Variants in ZNF311 observed in about 807,000 individuals in gnomAD.
ZNF311 encodes zinc finger protein 311.
ZNF311 carries 14 observed loss-of-function variants against 22.7 expected under a neutral mutation model. That is an observed-to-expected ratio of 0.62 (90% CI 0.41 to 0.96). ZNF311 has a LOEUF of 0.96. Ranked by LOEUF, ZNF311 falls within the 40% of genes least tolerant of loss-of-function variation. ZNF311 has a pLI of 0.00. For synonymous variants in ZNF311, 250 were observed against 275.3 expected (o/e 0.91, Z 0.91); for missense variants, 731 against 799.0 (o/e 0.91, Z 1.03).
chr6:29,002,984 A>G (rs1315472708), intron 3 of ZNF311, among the ~76,000 whole-genome samples: 2 of 152,182 alleles, frequency 1.3e-5, no homozygotes, highest in Admixed American at 1.3e-4. Context: ...CAAAGAGCAC[A>G]AGGCTTCAAT....
intron 6 of ZNF311, among the ~76,000 whole-genome samples, chr6:28,997,963 G>C (rs1779863117): frequency 6.6e-6 from 1 of 152,076 alleles, no homozygotes; most frequent in African/African-American, 2.4e-5. Context: ...GTCATATCAT[G>C]ATCTTGCCCC....
At position 28,996,411 on chromosome 6, in the gene ZNF311, T is replaced by C. The variant is rs1467924330; in HGVS notation, c.591A>G (p.Thr197=). 2 of 1,610,832 alleles carry C rather than the reference T, an allele frequency of 1.2e-6. No homozygotes were observed. Among genetic ancestry groups the C allele is most frequent in the Non-Finnish European group, 1.7e-6 (2 of 1,180,028 alleles). ...CTTCTCTCAGTTTCTCCCTTATAGA[T>C]GTTTCCCATTGATTCTCTAATTTGA... The part of the protein sequence containing the change: ...QDVKLENQWE[T]SIREKLREEK... Residue 197 remains threonine (T), a synonymous_variant, in exon 7 of 7, where the codon ACA becomes ACG. Transcript: ENST00000377179.
At chr6:28,997,838 G>C (rs1779840991) in intron 6 of ZNF311, among the ~76,000 whole-genome samples, 1 of 152,102 alleles carries the variant, frequency 6.6e-6, no homozygotes, top group Non-Finnish European at 1.5e-5. Flanking sequence ...TTATCTAAAT[G>C]AGTTAATGTA....
chr6:29,003,902 C>T (rs1357145943), intron 2 of ZNF311, 44 bp downstream of exon 2: 4 of 1,612,706 alleles, frequency 2.5e-6, no homozygotes, highest in Non-Finnish European at 3.4e-6. Context: ...ACTCACTTCT[C>T]CTTCTTCCTC....
intron 1 of ZNF311, 106 bp downstream of exon 1, chr6:29,004,902 C>T (rs1320115623): frequency 1.3e-5 from 2 of 152,146 alleles, no homozygotes; most frequent in East Asian, 1.9e-4. Flanking sequence ...ATAATCTTGC[C>T]TCCTTCAAGT....
intron 6 of ZNF311, among the ~76,000 whole-genome samples, chr6:28,997,662 T>C (rs1055380838): frequency 1.2e-3 from 177 of 152,300 alleles, no homozygotes; most frequent in Non-Finnish European, 4.9e-4. Context: ...AATACTTCAA[T>C]GGCACTCCAT....
At position 28,996,208 on chromosome 6, in the gene ZNF311, T is replaced by C. The variant is rs749697633; in HGVS notation, c.794A>G (p.His265Arg). The C allele has an allele frequency of 5.0e-6, 8 of 1,613,470 alleles. No individual in the cohort carries two copies. In the South Asian group the frequency reaches 8.8e-5, roughly 18 times the overall value. Residue 265 changes from histidine to arginine, a missense_variant, in exon 7 of 7, where the codon CAT (histidine) becomes CGT (arginine). Physicochemically the swap from His to Arg is conservative, Grantham distance 29 (BLOSUM62 0). Transcript: ENST00000377179. The part of the protein sequence containing the change: ...NFSWHSDLIL[H>R]EQIHSGEKPH... ...TTTCTCACCAGAATGAATTTGCTCATGGAGAATTAGATCTGAGTGCCAACT... is the reference window on the plus strand; with the variant it reads ...TTTCTCACCAGAATGAATTTGCTCACGGAGAATTAGATCTGAGTGCCAACT...
intron 3 of ZNF311, among the ~76,000 whole-genome samples, chr6:29,001,415 A>G (rs1337821969): frequency 6.6e-6 from 1 of 152,206 alleles, no homozygotes; most frequent in South Asian, 2.1e-4. Context: ...CTTTTGACCA[A>G]GACCAAGGCT....
At chr6:29,003,163 T>C (rs1286664336) in intron 3 of ZNF311, among the ~76,000 whole-genome samples, 3 of 152,216 alleles carry the variant, frequency 2.0e-5, no homozygotes, top group Non-Finnish European at 2.9e-5. Context: ...TACTGAATTA[T>C]ACCACAAGTT....
intron 3 of ZNF311, 55 bp from the exon 4 acceptor site, chr6:29,000,102 C>T (rs1780236891): frequency 6.6e-7 from 1 of 1,510,562 alleles, no homozygotes; most frequent in African/African-American, 1.4e-5. Context: ...AATGAAATCT[C>T]CTGCATTCGT....
rs751791012 is a variant in ZNF311, at chr6:29,003,513, C to T, written c.91G>A (p.Ala31Thr). 3.1e-6 allele frequency: 5 copies of T among 1,613,020 alleles called. No individual in the cohort carries two copies. Among genetic ancestry groups the T allele is most frequent in the Non-Finnish European group, 4.2e-6 (5 of 1,179,998 alleles). Residue 31 changes from alanine to threonine, a missense_variant and splice_region_variant, in exon 3 of 7, where the codon GCT (alanine) becomes ACT (threonine). Coordinates refer to ENST00000377179, the MANE Select transcript of ZNF311 (RefSeq NM_001382360.1). ...TGCCACAATCTCCTGTGTATCTCAC[C>T]GCTTTCCTGAGGGAGCTGGGTATCC... ...RQDTQLPQES[A>T]LLPAPYPAFT...
At chr6:29,004,832 C>T (rs1475472175) in intron 1 of ZNF311, among the ~76,000 whole-genome samples, 176 bp downstream of exon 1, 1 of 152,098 alleles carries the variant, frequency 6.6e-6, no homozygotes, top group Non-Finnish European at 1.5e-5. Context: ...CCTTCCTTCT[C>T]TTTCATCTTA....
At chr6:28,998,279 C>T (rs766190267) in intron 6 of ZNF311, among the ~76,000 whole-genome samples, 14 of 151,652 alleles carry the variant, frequency 9.2e-5, no homozygotes, top group South Asian at 2.1e-4. Flanking sequence ...AATGATTCTC[C>T]GGCCTCAGAC....
intron 6 of ZNF311, 95 bp downstream of exon 6, chr6:28,998,639 G>T: frequency 2.5e-6 from 2 of 792,594 alleles, no homozygotes; most frequent in Non-Finnish European, 2.0e-6. Flanking sequence ...TTCCTTTCTG[G>T]GCCCTTCGAC....
chr6:28,999,084 GTT>G (rs77858810), intron 5 of ZNF311, among the ~76,000 whole-genome samples: 1 of 141,344 alleles, frequency 7.1e-6, no homozygotes, highest in Non-Finnish European at 1.6e-5. Context: ...GTGCTCTCCT[GTT>G]TTTTTTTTTT....
At chr6:29,003,188 T>C (rs966810112) in intron 3 of ZNF311, among the ~76,000 whole-genome samples, 10 of 152,198 alleles carry the variant, frequency 6.6e-5, no homozygotes, top group Non-Finnish European at 1.2e-4. Context: ...AAGTGTAAAA[T>C]ATGTGCAAAT....
rs184122605 is a variant in ZNF311 at position 29,004,721 on chromosome 6, A to T, written c.-261+287T>A. 5.9e-5 allele frequency among the ~76,000 whole-genome samples: 9 copies of T among 152,248 alleles called. No homozygotes were observed. The East Asian group carries it at 1.5e-3, about 26-fold the overall frequency. ...TAACTTCCTCTCCTGCTCACCCAAA[A>T]TAAGAGCTGAAGTCTTAAGAGTGGC... On this transcript the variant is annotated intron_variant, in intron 1 of 6. Coordinates refer to ENST00000377179, the MANE Select transcript of ZNF311 (RefSeq NM_001382360.1).
chr6:28,995,183 C>G lies in ZNF311; in HGVS notation c.1819G>C (p.Gly607Arg). The change falls in exon 7 of 7, where the codon GGG becomes CGG. Residue 607 changes from glycine to arginine, a missense_variant. Coordinates refer to ENST00000377179, the MANE Select transcript of ZNF311 (RefSeq NM_001382360.1). The surrounding 1 kb of genome is among the most constrained non-coding windows in gnomAD (Gnocchi z 4.7). ...TCCTCACATTCATAAGGTTTCTCCC[C>G]AGTATGAACTCGCTTATGTCCAATC... is the stretch of plus-strand genomic sequence containing the variant. ...ALIGHKRVHT[G>R]EKPYECEECG... 1 of 1,614,098 alleles carries G rather than the reference C, an allele frequency of 6.2e-7. No individual in the cohort carries two copies. The highest frequency in any genetic ancestry group is 1.1e-5 in the South Asian group (1 of 91,086).
chr6:28,995,735 C>T lies in ZNF311; in HGVS notation c.1267G>A (p.Ala423Thr). The T allele has an allele frequency of 6.2e-7, 1 of 1,613,792 alleles. No individual in the cohort carries two copies. The highest frequency in any genetic ancestry group is 8.5e-7 in the Non-Finnish European group (1 of 1,180,010). Residue 423 changes from alanine to threonine, a missense_variant, in exon 7 of 7, where the codon GCC becomes ACC. Physicochemically the swap from Ala to Thr is moderately conservative, Grantham distance 58. Coordinates refer to ENST00000377179, the MANE Select transcript of ZNF311 (RefSeq NM_001382360.1). This position sits in a 1 kb window ranked among gnomAD's most constrained non-coding sequence, Gnocchi z 4.7. ...CTTAGGTCTGAGCTCCGACTGAAGGCCCTTCCACACTTGCTGCACTCATAA... is the reference window on the plus strand; with the variant it reads ...CTTAGGTCTGAGCTCCGACTGAAGGTCCTTCCACACTTGCTGCACTCATAA... ...RPYECSKCGR[A>T]FSRSSDLSKH... is the part of the protein sequence containing the mutation.
Sources: allele counts gnomAD v4.1 joint callset (sites outside exome capture counted in the v4.1 genomes callset), GRCh38; gene constraint gnomAD v4.1.1; non-coding constraint Gnocchi (gnomAD v3.1); transcripts MANE v1.5; gene names NCBI Gene and HGNC (gene_info 2026-07-23, HGNC 2026-07-21).